RBMS2: variants seen among roughly 807,000 people sequenced by gnomAD.
The protein encoded by RBMS2 is RNA binding motif single stranded interacting protein 2, also known as RNA-binding motif, single-stranded-interacting protein 2.
A neutral mutation model predicts 58.4 loss-of-function variants in RBMS2; 38 were observed. That is an observed-to-expected ratio of 0.65 (90% CI 0.50 to 0.85). RBMS2 has a LOEUF of 0.85. Among genes scored for constraint, RBMS2 ranks in the 40% least tolerant of loss-of-function variants. The pLI, the probability that RBMS2 is intolerant of heterozygous loss-of-function variation, is 0.00. For missense variants in RBMS2, 367 were observed against 503.7 expected, an observed-to-expected ratio of 0.73 and a Z score of 2.60; for synonymous variants, 151 against 180.7, an observed-to-expected ratio of 0.84 and a Z score of 1.32.
intron 2 of RBMS2, among the ~76,000 whole-genome samples, chr12:56,562,888 C>T (rs966325844): frequency 6.6e-6 from 1 of 152,142 alleles, no homozygotes; most frequent in Non-Finnish European, 1.5e-5. Flanking sequence ...TTTGGGAGGC[C>T]TAGGCGGGCG....
chr12:56,578,090 GCTGGGATTGAGGCATGAGCTACTGTTC>G (rs1317404911), intron 5 of RBMS2, among the ~76,000 whole-genome samples: 5 of 152,006 alleles, frequency 3.3e-5, no homozygotes, highest in African/African-American at 1.2e-4. Flanking sequence ...CTTTCAAAGT[GCTGGGATTGAGGCATGAGCTACTGTTC>G]CTGGCCCAAA....
chr12:56,561,560 G>A (rs1880388200), intron 1 of RBMS2, among the ~76,000 whole-genome samples: 1 of 152,068 alleles, frequency 6.6e-6, no homozygotes, highest in Non-Finnish European at 1.5e-5. Flanking sequence ...AGGCTGGAAT[G>A]CAGTGGCGTG....
chr12:56,556,367 G>T (rs898797182), intron 1 of RBMS2, among the ~76,000 whole-genome samples: 189 of 149,948 alleles, frequency 1.3e-3, no homozygotes, highest in Non-Finnish European at 1.1e-3. Flanking sequence ...ACATGACTTT[G>T]TCTTTTAGCT....
chr12:56,596,089 G>T lies in RBMS2; in HGVS notation c.*6956G>T, dbSNP rs1885789997. The T allele has an allele frequency of 6.6e-6, 1 of 152,634 alleles. No individual in the cohort carries two copies. Among genetic ancestry groups the T allele is most frequent in the South Asian group, 2.1e-4 (1 of 4,838 alleles). 9.5% of individuals were successfully genotyped at this position (152,634 alleles called of 1,614,324 possible). A position where few individuals can be genotyped will look rare whatever the true frequency, so the allele number is the denominator to read the frequency against. Reference sequence around the variant, plus strand: ...GAGATTGGTCCTAAAAATATAGAAAGAAATAAATTTAAATTCACAAAAAAC... The same window carrying T: ...GAGATTGGTCCTAAAAATATAGAAATAAATAAATTTAAATTCACAAAAAAC... On this transcript the variant is annotated 3_prime_UTR_variant, in exon 14 of 14. Transcript: ENST00000262031.
At chr12:56,570,037 G>C (rs902184595) in intron 4 of RBMS2, 47 bp downstream of exon 4, 2 of 1,530,284 alleles carry the variant, frequency 1.3e-6, no homozygotes, top group Non-Finnish European at 1.8e-6. Flanking sequence ...TTTGTGGTTA[G>C]CACCAAAGTT....
intron 1 of RBMS2, among the ~76,000 whole-genome samples, chr12:56,547,155 A>G (rs1877394475): frequency 6.6e-6 from 1 of 151,404 alleles, no homozygotes; most frequent in South Asian, 2.1e-4. Context: ...GTTCAAAACC[A>G]GCCTGGCCAA....
At chr12:56,566,061 G>T (rs1240427991) in intron 2 of RBMS2, among the ~76,000 whole-genome samples, 1 of 152,170 alleles carries the variant, frequency 6.6e-6, no homozygotes, top group Non-Finnish European at 1.5e-5. Flanking sequence ...ATGAATCCAA[G>T]TGTGTAGCCT....
intron 1 of RBMS2, among the ~76,000 whole-genome samples, chr12:56,533,910 T>C (rs986080429): frequency 4.0e-5 from 6 of 151,736 alleles, no homozygotes; most frequent in African/African-American, 1.5e-4. Context: ...AATATATAGT[T>C]ATATAACTAT....
Position 56,582,136 on chromosome 12 carries a change from C to T in RBMS2, c.857C>T (p.Pro286Leu). 2 of 1,608,442 alleles carry T rather than the reference C, an allele frequency of 1.2e-6. No individual in the cohort carries two copies. Among genetic ancestry groups the T allele is most frequent in the South Asian group, 1.1e-5 (1 of 90,848 alleles). Reference sequence around the variant, plus strand: ...GCACTCTCCCCATACCTTTCCTCTCCTGTGTCTTCGTATCAGGTATGTTCA... The same window carrying T: ...GCACTCTCCCCATACCTTTCCTCTCTTGTGTCTTCGTATCAGGTATGTTCA... Reference protein sequence around the residue: ...QSALSPYLSSPVSSYQRVTQT... With the variant: ...QSALSPYLSSLVSSYQRVTQT... Residue 286 changes from proline (P) to leucine (L), a missense_variant, in exon 9 of 14, where the codon CCT (proline) becomes CTT (leucine). Physicochemically the swap from Pro to Leu is moderately conservative, Grantham distance 98 (BLOSUM62 -3). This residue lies in a region of RBMS2 where 220 missense variants were observed against 261.1 expected (regional missense o/e 0.84). Coordinates refer to ENST00000262031, the MANE Select transcript of RBMS2 (RefSeq NM_002898.4).
At chr12:56,584,057 A>G (rs1884334127) in intron 9 of RBMS2, among the ~76,000 whole-genome samples, 1 of 152,200 alleles carries the variant, frequency 6.6e-6, no homozygotes, top group African/African-American at 2.4e-5. Context: ...TGCATGTCCA[A>G]CAAGTTCCCA....
At chr12:56,532,067 A>T (rs965800986) in intron 1 of RBMS2, among the ~76,000 whole-genome samples, 5 of 151,414 alleles carry the variant, frequency 3.3e-5, no homozygotes, top group Non-Finnish European at 7.4e-5. Flanking sequence ...AAAAAATATA[A>T]AATTAGCTGG....
At position 56,544,754 on chromosome 12, in the gene RBMS2, A is replaced by AT. The variant is rs537510847; in HGVS notation, c.67-17650dup. Among the ~76,000 whole-genome samples, 289 of 116,060 alleles carry AT rather than the reference A, an allele frequency of 2.5e-3. 26 individuals are homozygous for AT. The highest frequency in any genetic ancestry group is 6.3e-3 in the African/African-American group (204 of 32,350). 76.1% of individuals were successfully genotyped at this position (116,060 alleles called of 152,430 possible). A position where few individuals can be genotyped will look rare whatever the true frequency, so the allele number is the denominator to read the frequency against. On this transcript the variant is annotated intron_variant, in intron 1 of 13. Coordinates refer to ENST00000262031, the MANE Select transcript of RBMS2 (RefSeq NM_002898.4). ...TGCCACCATGCCCAGCTAATTTTTA[A>AT]TTTTTTTTTTTTTCTTTTTTGTAGA...
chr12:56,557,071 G>A (rs188601081), intron 1 of RBMS2, among the ~76,000 whole-genome samples: 5 of 152,084 alleles, frequency 3.3e-5, no homozygotes, highest in East Asian at 1.9e-4. Context: ...GGAAATAAAC[G>A]CATTTATGAT....
intron 1 of RBMS2, among the ~76,000 whole-genome samples, chr12:56,528,928 A>AAAAG (rs1200772908): frequency 2.0e-5 from 3 of 152,002 alleles, no homozygotes; most frequent in Non-Finnish European, 2.9e-5. Flanking sequence ...TCTGTATCAA[A>AAAAG]AAAGAAAGAA....
At chr12:56,588,172 A>G (rs1018183216) in intron 11 of RBMS2, 122 bp from the exon 12 acceptor site, 2 of 785,126 alleles carry the variant, frequency 2.5e-6, no homozygotes, top group Non-Finnish European at 4.2e-6. Context: ...AAATGCTCAG[A>G]CCAATTAAAA....
chr12:56,522,191 T>C, intron 1 of RBMS2, 102 bp downstream of exon 1: 5 of 894,356 alleles, frequency 5.6e-6, no homozygotes, highest in Non-Finnish European at 8.6e-6. Context: ...AGGGGCTTCC[T>C]CTCTCAAGAT....
intron 1 of RBMS2, among the ~76,000 whole-genome samples, chr12:56,546,585 A>G (rs1398922721): frequency 2.0e-5 from 3 of 152,022 alleles, no homozygotes; most frequent in Non-Finnish European, 4.4e-5. Context: ...CCCCTGCCTC[A>G]GCCTCCCAAA....
intron 1 of RBMS2, among the ~76,000 whole-genome samples, chr12:56,536,200 C>CAAAAAAAAAAAAAAAA (rs71446560): frequency 1.3e-5 from 1 of 76,422 alleles, no homozygotes; most frequent in African/African-American, 6.4e-5. Context: ...AACTCTGTCT[C>CAAAAAAAAAAAAAAAA]AAAAAAAAAA....
intron 9 of RBMS2, among the ~76,000 whole-genome samples, chr12:56,582,755 G>A (rs1201247750): frequency 1.3e-5 from 2 of 152,150 alleles, no homozygotes; most frequent in African/African-American, 2.4e-5. Flanking sequence ...TGCAATCTCC[G>A]CCTCCTAGGT....
Sources: allele counts gnomAD v4.1 joint callset (sites outside exome capture counted in the v4.1 genomes callset), GRCh38; gene constraint gnomAD v4.1.1; regional missense constraint gnomAD v4.1.1; transcripts MANE v1.5; gene names NCBI Gene and HGNC (gene_info 2026-07-23, HGNC 2026-07-21).